RBM19: variants seen among roughly 807,000 people sequenced by gnomAD.
RBM19 encodes the protein RNA binding motif protein 19.
Under a neutral mutation model 116.8 loss-of-function variants are expected in RBM19, and 94 were observed. The ratio of observed to expected loss-of-function variants is 0.80; its 90% CI spans 0.68 to 0.95. RBM19 has a LOEUF of 0.95. Among genes scored for constraint, RBM19 ranks in the 40% least tolerant of loss-of-function variants. The probability of loss-of-function intolerance (pLI) is 0.00; values close to 1 mark genes in which losing one functional copy is unlikely to be tolerated. For synonymous variants in RBM19, 475 were observed against 494.1 expected, an observed-to-expected ratio of 0.96 and a Z score of 0.51; for missense variants, 1,161 against 1,220.7, an observed-to-expected ratio of 0.95 and a Z score of 0.73.
intron 23 of RBM19, 36 bp downstream of exon 23, chr12:113,844,632 C>G: frequency 6.3e-7 from 1 of 1,585,170 alleles, no homozygotes; most frequent in Non-Finnish European, 8.6e-7. Flanking sequence ...CCCCAGGGGG[C>G]CCATGAGTCA....
At chr12:113,881,472 G>A (rs967766875) in intron 21 of RBM19, among the ~76,000 whole-genome samples, 5 of 152,156 alleles carry the variant, frequency 3.3e-5, no homozygotes, top group Non-Finnish European at 7.3e-5. Context: ...ACTTTTGGGG[G>A]AGGAAACAAG....
chr12:113,935,583 G>A (rs1375752669), intron 16 of RBM19, among the ~76,000 whole-genome samples: 1 of 152,192 alleles, frequency 6.6e-6, no homozygotes, highest in East Asian at 1.9e-4. Flanking sequence ...ATCGCAAAGG[G>A]ACTGAAGGAT....
chr12:113,959,756 C>CCACGG (rs1872318773), intron 4 of RBM19, 109 bp downstream of exon 4: 1 of 1,341,706 alleles, frequency 7.5e-7, no homozygotes, highest in African/African-American at 1.5e-5. Context: ...TCTCCAGCCT[C>CCACGG]TACGGTCTCC....
chr12:113,897,047 A>G (rs560763850), intron 21 of RBM19, among the ~76,000 whole-genome samples: 21 of 152,238 alleles, frequency 1.4e-4, no homozygotes, highest in Non-Finnish European at 2.8e-4. Flanking sequence ...CTTGGTACAC[A>G]GTTTGGGAAC....
At chr12:113,884,452 T>C (rs1403687307) in intron 21 of RBM19, among the ~76,000 whole-genome samples, 1 of 152,064 alleles carries the variant, frequency 6.6e-6, no homozygotes. Context: ...ATTTTTTGGG[T>C]GCTACTGGCC....
intron 21 of RBM19, among the ~76,000 whole-genome samples, chr12:113,868,781 T>C (rs1401023401): frequency 6.6e-6 from 1 of 152,172 alleles, no homozygotes; most frequent in Admixed American, 6.5e-5. Context: ...AACATTCAGG[T>C]AACACTTCTA....
chr12:113,817,150 G>GGCAGGAAAA (rs1874088796), downstream of RBM19: 1 of 152,274 alleles, frequency 6.6e-6, no homozygotes. Context: ...AGACCAAGGC[G>GGCAGGAAAA]GCAGGAAAAG....
intron 16 of RBM19, among the ~76,000 whole-genome samples, chr12:113,932,342 G>A (rs548634563): frequency 2.6e-5 from 4 of 152,338 alleles, no homozygotes; most frequent in South Asian, 2.1e-4. Flanking sequence ...GAACAGTTTC[G>A]TTCTTAATAT....
At chr12:113,948,763 A>G in intron 10 of RBM19, 70 bp downstream of exon 10, 3 of 1,514,242 alleles carry the variant, frequency 2.0e-6, no homozygotes, top group Admixed American at 1.8e-5. Flanking sequence ...ACTTGAACCC[A>G]GGACGTCAGA....
At chr12:113,849,343 T>A (rs1007728304) in intron 22 of RBM19, among the ~76,000 whole-genome samples, 2 of 152,236 alleles carry the variant, frequency 1.3e-5, no homozygotes, top group African/African-American at 4.8e-5. Flanking sequence ...TCTCCTTCAC[T>A]GGGTGTCTTG....
downstream of RBM19, among the ~76,000 whole-genome samples, chr12:113,819,765 C>G (rs1001931535): frequency 2.6e-5 from 4 of 152,168 alleles, no homozygotes; most frequent in Non-Finnish European, 5.9e-5. Context: ...TCTCGTAAGA[C>G]GCTTTCACCA....
chr12:113,895,971 T>C (rs1001912611), intron 21 of RBM19, among the ~76,000 whole-genome samples: 1 of 152,022 alleles, frequency 6.6e-6, no homozygotes, highest in Non-Finnish European at 1.5e-5. Flanking sequence ...TGTATCTCTC[T>C]ATACACATAT....
At position 113,863,741 on chromosome 12, in the gene RBM19, C is replaced by A. The variant is rs755770796; in HGVS notation, c.2559-4845G>T. 1.6e-4 allele frequency among the ~76,000 whole-genome samples: 24 copies of A among 152,294 alleles called. 1 individual carries two copies. Among genetic ancestry groups the A allele is most frequent in the Non-Finnish European group, 2.8e-4 (19 of 68,032 alleles). On this transcript the variant is annotated intron_variant, in intron 21 of 23. Transcript: ENST00000261741. ...CCTAAGAGACCCAGAATCAGAACAA[C>A]GGTGTGATCTGAACAAGATGAAGGG...
intron 15 of RBM19, among the ~76,000 whole-genome samples, chr12:113,938,576 A>G (rs1870282192): frequency 1.3e-5 from 2 of 152,212 alleles, no homozygotes; most frequent in Admixed American, 6.5e-5. Context: ...GGGTATGTCT[A>G]TATCTTGAAC....
chr12:113,918,773 T>A (rs552214786), intron 19 of RBM19, among the ~76,000 whole-genome samples: 1 of 152,372 alleles, frequency 6.6e-6, no homozygotes, highest in Admixed American at 6.5e-5. Context: ...TAGGTCTGGC[T>A]TGCAGAGAGA....
intron 6 of RBM19, among the ~76,000 whole-genome samples, chr12:113,955,457 G>C (rs1871850697): frequency 6.6e-6 from 1 of 152,110 alleles, no homozygotes; most frequent in Non-Finnish European, 1.5e-5. Context: ...ATGGGCACCT[G>C]GACAGGGACC....
Position 113,959,194 on chromosome 12 carries a change from C to A in RBM19, c.571+18G>T, listed in dbSNP as rs1461691175. ...CACAGGTCCGTGCGCATGGAGCACA[C>A]AGTCCCCATGCCCTCACCTTCCAGG... On this transcript the variant is annotated intron_variant, in intron 5 of 23. Transcript: ENST00000261741. The A allele has an allele frequency of 1.3e-6, 2 of 1,599,346 alleles. No homozygotes were observed. The highest frequency in any genetic ancestry group is 2.7e-5 in the African/African-American group (2 of 74,710).
At chr12:113,837,704 A>C (rs948946618) in intron 23 of RBM19, among the ~76,000 whole-genome samples, 5 of 152,240 alleles carry the variant, frequency 3.3e-5, no homozygotes, top group Non-Finnish European at 7.3e-5. Flanking sequence ...GATGGTGGAA[A>C]ACACAGGTTT....
chr12:113,840,873 A>C (rs1876405149), intron 23 of RBM19, among the ~76,000 whole-genome samples: 1 of 152,170 alleles, frequency 6.6e-6, no homozygotes, highest in African/African-American at 2.4e-5. Context: ...GAGCCCCAGC[A>C]ACCTGTTGCT....
Sources: allele counts gnomAD v4.1 joint callset (sites outside exome capture counted in the v4.1 genomes callset), GRCh38; gene constraint gnomAD v4.1.1; transcripts MANE v1.5; gene names NCBI Gene and HGNC (gene_info 2026-07-23, HGNC 2026-07-21).